The following ZNRF2 variants were observed in gnomAD, a reference collection of about 807,000 sequenced individuals.
ZNRF2 encodes E3 ubiquitin-protein ligase ZNRF2.
Under a neutral mutation model 20.4 loss-of-function variants are expected in ZNRF2, and 16 were observed. That is an observed-to-expected ratio of 0.79 (90% CI 0.53 to 1.19). The LOEUF is 1.19. Among genes scored for constraint, ZNRF2 ranks in the 50% most tolerant of loss-of-function variants. ZNRF2 has a pLI of 0.00. For synonymous variants in ZNRF2, 178 were observed against 144.9 expected, an observed-to-expected ratio of 1.23 and a Z score of -1.64; for missense variants, 363 against 332.4, an observed-to-expected ratio of 1.09 and a Z score of -0.72.
intron 2 of ZNRF2, among the ~76,000 whole-genome samples, chr7:30,351,563 A>G (rs1048619326): frequency 1.3e-5 from 2 of 152,056 alleles, no homozygotes; most frequent in African/African-American, 2.4e-5. Context: ...AAAACAGTCC[A>G]GTTGCTTTGG....
At chr7:30,357,869 AACTC>A (rs539415230) in intron 3 of ZNRF2, among the ~76,000 whole-genome samples, 7 of 152,180 alleles carry the variant, frequency 4.6e-5, no homozygotes, top group Non-Finnish European at 1.0e-4. Context: ...ACTTGATACA[AACTC>A]AGATAAGGAC....
chr7:30,342,820 A>T (rs1799817327), intron 2 of ZNRF2, among the ~76,000 whole-genome samples: 1 of 151,996 alleles, frequency 6.6e-6, no homozygotes, highest in Non-Finnish European at 1.5e-5. Context: ...TAGATGAGGT[A>T]CTTTGTATTT....
chr7:30,341,943 C>T (rs1294370888), intron 2 of ZNRF2, among the ~76,000 whole-genome samples: 1 of 151,764 alleles, frequency 6.6e-6, no homozygotes, highest in African/African-American at 2.4e-5. Flanking sequence ...GTTAGCTCTT[C>T]TTGTTGCATC....
intron 2 of ZNRF2, among the ~76,000 whole-genome samples, chr7:30,344,045 G>A (rs560167406): frequency 6.7e-5 from 10 of 149,782 alleles, no homozygotes; most frequent in Admixed American, 3.3e-4. Flanking sequence ...TCAGCCTCCC[G>A]AATAGCTGGG....
chr7:30,290,591 T>C (rs1798883040), intron 1 of ZNRF2, among the ~76,000 whole-genome samples: 1 of 152,240 alleles, frequency 6.6e-6, no homozygotes, highest in African/African-American at 2.4e-5. Context: ...ATCGTGTACA[T>C]GTAATCACAT....
chr7:30,340,890 A>T (rs1473661673), intron 2 of ZNRF2, among the ~76,000 whole-genome samples: 1 of 152,082 alleles, frequency 6.6e-6, no homozygotes, highest in Non-Finnish European at 1.5e-5. Context: ...TTTGGTTGAT[A>T]GGCTATTAAT....
At chr7:30,330,445 C>G (rs747234946) in intron 2 of ZNRF2, among the ~76,000 whole-genome samples, 5 of 152,156 alleles carry the variant, frequency 3.3e-5, no homozygotes, top group African/African-American at 1.2e-4. Flanking sequence ...GCTACACTGT[C>G]TGTGGGAGAA....
intron 4 of ZNRF2, 136 bp from the exon 5 acceptor site, chr7:30,365,899 C>G (rs1800206046): frequency 6.6e-6 from 1 of 152,118 alleles, no homozygotes; most frequent in Non-Finnish European, 1.5e-5. Flanking sequence ...TGTGACTAAA[C>G]TTTAATTGAT....
intron 3 of ZNRF2, among the ~76,000 whole-genome samples, chr7:30,358,047 G>C (rs185578957): frequency 1.8e-4 from 27 of 152,154 alleles, no homozygotes; most frequent in Non-Finnish European, 3.2e-4. Context: ...GAAACTGTAA[G>C]ACAGAAAATG....
intron 2 of ZNRF2, among the ~76,000 whole-genome samples, chr7:30,342,899 C>G (rs1247869241): frequency 1.3e-5 from 2 of 151,584 alleles, no homozygotes; most frequent in Admixed American, 1.3e-4. Flanking sequence ...GACTTTTTTC[C>G]CCCTGGTTTT....
intron 1 of ZNRF2, among the ~76,000 whole-genome samples, chr7:30,322,328 C>G (rs896652470): frequency 1.3e-5 from 2 of 152,194 alleles, no homozygotes; most frequent in African/African-American, 4.8e-5. Context: ...AGGTATAATT[C>G]TAGCCTCACT....
intron 2 of ZNRF2, among the ~76,000 whole-genome samples, chr7:30,327,640 C>T (rs921975218): frequency 6.6e-6 from 1 of 151,914 alleles, no homozygotes; most frequent in Non-Finnish European, 1.5e-5. Flanking sequence ...AGTAAATAAA[C>T]TTGTAGGCAT....
intron 2 of ZNRF2, among the ~76,000 whole-genome samples, chr7:30,348,173 T>TAA (rs1799908196): frequency 8.1e-6 from 1 of 124,088 alleles, no homozygotes; most frequent in African/African-American, 4.7e-5. Flanking sequence ...CTTAAAAATG[T>TAA]TAAAAAAAAA....
intron 1 of ZNRF2, among the ~76,000 whole-genome samples, chr7:30,314,873 G>C (rs186258281): frequency 2.0e-5 from 3 of 151,642 alleles, no homozygotes; most frequent in Non-Finnish European, 4.4e-5. Context: ...CTGGAGTGCA[G>C]TGACACAAAC....
intron 1 of ZNRF2, among the ~76,000 whole-genome samples, chr7:30,316,151 G>A (rs995406011): frequency 4.0e-5 from 6 of 151,766 alleles, no homozygotes; most frequent in South Asian, 2.1e-4. Context: ...AGCTGGGCTT[G>A]GTGGTGCATC....
chr7:30,320,650 T>G (rs1340366234), intron 1 of ZNRF2, among the ~76,000 whole-genome samples: 1 of 152,164 alleles, frequency 6.6e-6, no homozygotes, highest in African/African-American at 2.4e-5. Flanking sequence ...CTGAGCACAT[T>G]TAAGGTAGGC....
At chr7:30,334,233 C>T (rs543785632) in intron 2 of ZNRF2, among the ~76,000 whole-genome samples, 2 of 152,174 alleles carry the variant, frequency 1.3e-5, no homozygotes, top group Admixed American at 1.3e-4. Flanking sequence ...TTTTCCAGCA[C>T]CCTTTATTGA....
At chr7:30,309,662 G>C (rs1379652704) in intron 1 of ZNRF2, among the ~76,000 whole-genome samples, 1 of 152,096 alleles carries the variant, frequency 6.6e-6, no homozygotes, top group African/African-American at 2.4e-5. Context: ...TACTATGTTT[G>C]GTAATTGTTG....
chr7:30,345,449 T>C (rs1206930772), intron 2 of ZNRF2, among the ~76,000 whole-genome samples: 1 of 152,128 alleles, frequency 6.6e-6, no homozygotes, highest in Non-Finnish European at 1.5e-5. Context: ...TTATTGAGGC[T>C]AGATAGTGGA....
Sources: gnomAD v4.1 joint callset for allele counts (sites outside exome capture counted in the v4.1 genomes callset) on GRCh38, gnomAD v4.1.1 for gene constraint, MANE v1.5 for transcripts, NCBI Gene and HGNC (gene_info 2026-07-23, HGNC 2026-07-21) for gene names.